The following SP4 variants were observed in gnomAD, a reference collection of about 807,000 sequenced individuals.
SP4 encodes transcription factor Sp4.
In SP4, 19 loss-of-function variants were observed where a neutral mutation model predicts 72.8. The observed-to-expected ratio is 0.26, with a 90% CI of 0.18 to 0.38. The LOEUF is 0.38. Ranked by LOEUF, SP4 falls within the 10% of genes least tolerant of loss-of-function variation. The pLI is 1.00. For missense variants in SP4, 1,008 were observed against 926.3 expected (o/e 1.09, Z -1.14); for synonymous variants, 395 against 333.1 (o/e 1.19, Z -2.02).
At chr7:21,451,872 G>A (rs1350082574) in intron 3 of SP4, among the ~76,000 whole-genome samples, 1 of 152,196 alleles carries the variant, frequency 6.6e-6, no homozygotes, top group Admixed American at 6.5e-5. Context: ...AGAATTCTGA[G>A]ACTCCCAACA....
At chr7:21,486,264 A>G (rs1311638133) in intron 5 of SP4, among the ~76,000 whole-genome samples, 1 of 151,986 alleles carries the variant, frequency 6.6e-6, no homozygotes, top group Non-Finnish European at 1.5e-5. Flanking sequence ...AAGAGTTGCA[A>G]AGCTAGCATA....
intron 3 of SP4, among the ~76,000 whole-genome samples, chr7:21,453,373 A>G (rs1783661083): frequency 6.6e-6 from 1 of 152,214 alleles, no homozygotes. Context: ...CAAGGTAACA[A>G]TTATCTGTGG....
At chr7:21,457,175 T>G (rs540009033) in intron 3 of SP4, among the ~76,000 whole-genome samples, 31 of 152,310 alleles carry the variant, frequency 2.0e-4, no homozygotes, top group African/African-American at 7.2e-4. Flanking sequence ...CAACTTTATT[T>G]TATAATATAA....
intron 4 of SP4, among the ~76,000 whole-genome samples, chr7:21,481,346 G>A (rs1784681110): frequency 6.6e-6 from 1 of 152,228 alleles, no homozygotes; most frequent in Admixed American, 6.5e-5. Flanking sequence ...ACGGGAGGAA[G>A]TAGGGAAGGG....
chr7:21,442,330 A>G (rs1473788067), intron 3 of SP4, among the ~76,000 whole-genome samples: 2 of 152,026 alleles, frequency 1.3e-5, no homozygotes, highest in African/African-American at 4.8e-5. Flanking sequence ...GTAAGCCACC[A>G]CGCCTGGGCC....
At chr7:21,479,036 C>T (rs995195373) in intron 4 of SP4, among the ~76,000 whole-genome samples, 3 of 151,224 alleles carry the variant, frequency 2.0e-5, no homozygotes, top group Non-Finnish European at 1.5e-5. Context: ...CCACTGCACT[C>T]CAGCCTGGGT....
At chr7:21,484,813 C>G (rs138081681) in intron 5 of SP4, among the ~76,000 whole-genome samples, 1 of 151,832 alleles carries the variant, frequency 6.6e-6, no homozygotes, top group Non-Finnish European at 1.5e-5. Flanking sequence ...AAGTCCCTCT[C>G]TCTTACACAT....
At chr7:21,457,152 G>A (rs1023399050) in intron 3 of SP4, among the ~76,000 whole-genome samples, 2 of 152,140 alleles carry the variant, frequency 1.3e-5, no homozygotes, top group African/African-American at 4.8e-5. Context: ...TATATATTGA[G>A]TAAAGCATTT....
chr7:21,486,168 AT>A (rs1262177852), intron 5 of SP4, among the ~76,000 whole-genome samples: 1 of 147,604 alleles, frequency 6.8e-6, no homozygotes, highest in Non-Finnish European at 1.5e-5. Context: ...GAGGTTTGTT[AT>A]TTTTTCTTGT....
intron 5 of SP4, among the ~76,000 whole-genome samples, chr7:21,507,884 C>T (rs1022835764): frequency 2.0e-5 from 3 of 152,094 alleles, no homozygotes; most frequent in African/African-American, 7.2e-5. Context: ...CCATTCTCCT[C>T]ACGGGAGAAC....
intron 5 of SP4, among the ~76,000 whole-genome samples, chr7:21,483,049 A>G (rs1336420581): frequency 6.6e-6 from 1 of 152,132 alleles, no homozygotes; most frequent in Non-Finnish European, 1.5e-5. Flanking sequence ...AAGAGTCTCT[A>G]CAGTGGCTAT....
intron 3 of SP4, among the ~76,000 whole-genome samples, chr7:21,438,586 T>G (rs1209139799): frequency 6.6e-6 from 1 of 152,266 alleles, no homozygotes; most frequent in Non-Finnish European, 1.5e-5. Context: ...GCTTTAGTTC[T>G]GACACTGAAT....
intron 3 of SP4, among the ~76,000 whole-genome samples, chr7:21,439,147 GT>G (rs1237325994): frequency 1.3e-5 from 2 of 152,128 alleles, no homozygotes; most frequent in Non-Finnish European, 2.9e-5. Context: ...TTTAACCATA[GT>G]TGTGTTTCTG....
rs1484011620 is a variant in SP4 at position 21,513,074 on chromosome 7, A to G, written c.*1805A>G. ...TCATTGCTTTGGGGACTGTTTGAAT[A>G]TAGGTACGTGTTTTCTTGTGCATTC... On this transcript the variant is annotated 3_prime_UTR_variant, in exon 6 of 6. Transcript: ENST00000222584. 6.6e-6 allele frequency: 1 copy of G among 152,664 alleles called. No individual in the cohort carries two copies. Among genetic ancestry groups the G allele is most frequent in the African/African-American group, 2.4e-5 (1 of 41,462 alleles). 9.5% of individuals were successfully genotyped at this position (152,664 alleles called of 1,614,324 possible). A position where few individuals can be genotyped will look rare whatever the true frequency, so the allele number is the denominator to read the frequency against.
chr7:21,429,373 C>A lies in SP4; in HGVS notation c.208C>A (p.Gln70Lys), dbSNP rs747742995. The change falls in exon 3 of 6, where the codon CAA becomes AAA. Residue 70 changes from glutamine to lysine, a missense_variant. Transcript: ENST00000222584. ...TGGTGAAAATCAAGCAACTGGACAA[C>A]AACAAATTATTATAGATCCAAGTCA... ...TPGENQATGQQQIIIDPSQGL... is the reference protein window; with the variant it reads ...TPGENQATGQKQIIIDPSQGL... The A allele has an allele frequency of 6.2e-7, 1 of 1,613,884 alleles. No homozygotes were observed. The highest frequency in any genetic ancestry group is 2.2e-5 in the East Asian group (1 of 44,880).
intron 5 of SP4, among the ~76,000 whole-genome samples, chr7:21,509,160 G>T (rs1276196396): frequency 6.6e-6 from 1 of 151,796 alleles, no homozygotes; most frequent in Non-Finnish European, 1.5e-5. Context: ...TTCTTATCTT[G>T]TTCCTGATGT....
chr7:21,450,951 G>A (rs753410929), intron 3 of SP4, among the ~76,000 whole-genome samples: 10 of 152,190 alleles, frequency 6.6e-5, no homozygotes, highest in East Asian at 3.9e-4. Flanking sequence ...TGGGCCAAGC[G>A]GGCGACATGA....
intron 3 of SP4, among the ~76,000 whole-genome samples, chr7:21,442,733 T>TTTTTG (rs1405750980): frequency 6.6e-6 from 1 of 151,986 alleles, no homozygotes; most frequent in Admixed American, 6.6e-5. Context: ...TTCAAGTAGT[T>TTTTTG]TTTTGTTTTG....
In SP4 at chr7:21,430,728, T is replaced by G; in HGVS notation, c.1563T>G (p.Thr521=). 1 of 1,614,184 alleles carries G rather than the reference T, an allele frequency of 6.2e-7. No individual in the cohort carries two copies. The highest frequency in any genetic ancestry group is 8.5e-7 in the Non-Finnish European group (1 of 1,180,032). ...TGGCTGTTGCTGGTGCCCCAATAAC[T>G]TTGAATACTGCCCAGCTTGCATCAG... is the stretch of plus-strand genomic sequence containing the variant. ...APVAVAGAPI[T]LNTAQLASVP... The change falls in exon 3 of 6, where the codon ACT becomes ACG. Residue 521 remains threonine (T), a synonymous_variant. Transcript: ENST00000222584.
Sources: allele counts gnomAD v4.1 joint callset (sites outside exome capture counted in the v4.1 genomes callset), GRCh38; gene constraint gnomAD v4.1.1; transcripts MANE v1.5; gene names NCBI Gene and HGNC (gene_info 2026-07-23, HGNC 2026-07-21).